C17orf75: variants seen among roughly 807,000 people sequenced by gnomAD.
C17orf75 encodes protein Njmu-R1.
Under a neutral mutation model 49.6 loss-of-function variants are expected in C17orf75, and 32 were observed. That is an observed-to-expected ratio of 0.65 (90% CI 0.49 to 0.87). The LOEUF is 0.87. Among genes scored for constraint, C17orf75 ranks in the 40% least tolerant of loss-of-function variants. C17orf75 has a pLI of 0.00. For missense variants in C17orf75, 428 were observed against 473.9 expected, an observed-to-expected ratio of 0.90 and a Z score of 0.90; for synonymous variants, 158 against 159.5, an observed-to-expected ratio of 0.99 and a Z score of 0.07.
chr17:32,333,356 G>A (rs2041294287), intron 9 of C17orf75, 61 bp downstream of exon 9: 3 of 1,162,490 alleles, frequency 2.6e-6, no homozygotes. Flanking sequence ...TCTGTCACTG[G>A]TACTAATTAA....
upstream of C17orf75, chr17:32,344,173 A>AT (rs950762466): frequency 5.9e-6 from 3 of 510,218 alleles, no homozygotes; most frequent in Admixed American, 1.0e-4. Context: ...CTGTATTTTT[A>AT]TTTTTTATAG....
At chr17:32,349,090 T>C (rs1175314285) in intron 1 of C17orf75, among the ~76,000 whole-genome samples, 1 of 150,748 alleles carries the variant, frequency 6.6e-6, no homozygotes, top group Admixed American at 6.6e-5. Flanking sequence ...GGTCTCGAAC[T>C]CCTGACCTCA....
chr17:32,348,743 C>A (rs2041448899), intron 1 of C17orf75, among the ~76,000 whole-genome samples: 1 of 152,132 alleles, frequency 6.6e-6, no homozygotes, highest in Non-Finnish European at 1.5e-5. Flanking sequence ...AACCACTGTG[C>A]CTTCTCAGAG....
At chr17:32,335,021 C>T (rs1014376825) in intron 6 of C17orf75, among the ~76,000 whole-genome samples, 182 bp from the exon 7 acceptor site, 1 of 152,208 alleles carries the variant, frequency 6.6e-6, no homozygotes, top group Non-Finnish European at 1.5e-5. Flanking sequence ...ATCAAAATTG[C>T]TCTGGATTTT....
chr17:32,341,876 G>A, intron 1 of C17orf75, 124 bp downstream of exon 1: 7 of 1,090,034 alleles, frequency 6.4e-6, no homozygotes, highest in South Asian at 4.3e-5. Flanking sequence ...GGCTGGGAGA[G>A]GAGAAGATGG....
At chr17:32,335,198 T>G (rs1398452205) in intron 6 of C17orf75, 125 bp downstream of exon 6, 1 of 1,214,408 alleles carries the variant, frequency 8.2e-7, no homozygotes, top group South Asian at 1.5e-5. Context: ...TGGTCTATCT[T>G]GATAGCAAGC....
rs1217947527 is a variant in C17orf75 at position 32,339,947 on chromosome 17, A to G, written c.222-9T>C. 1 of 1,613,588 alleles carries G rather than the reference A, an allele frequency of 6.2e-7. No individual in the cohort carries two copies. The highest frequency in any genetic ancestry group is 1.3e-5 in the African/African-American group (1 of 74,910). On this transcript the variant is annotated splice_polypyrimidine_tract_variant and intron_variant, in intron 2 of 9. Transcript: ENST00000577809. ...TATCTGCCAAGGAGAGGCTTGACAA[A>G]TGAAAGACACACATTCTTTACCAGT...
In C17orf75 at chr17:32,331,809, G is replaced by A; in HGVS notation, c.1145C>T (p.Ala382Val). 2 of 1,613,728 alleles carry A rather than the reference G, an allele frequency of 1.2e-6. No individual in the cohort carries two copies. Among genetic ancestry groups the A allele is most frequent in the South Asian group, 1.1e-5 (1 of 91,076 alleles). ...TTCTTTCATGAATTCTTCAAGGACA[G>A]CTATCACATTTTTGGCTTCAGGCAT... The part of the protein sequence containing the change: ...EEMPEAKNVI[A>V]VLEEFMKEAL... The change falls in exon 10 of 10, where the codon GCT (alanine) becomes GTT (valine). Residue 382 changes from alanine to valine, a missense_variant. Ala to Val is a moderately conservative substitution (Grantham distance 64). Coordinates refer to ENST00000577809, the MANE Select transcript of C17orf75 (RefSeq NM_022344.4).
upstream of C17orf75, among the ~76,000 whole-genome samples, chr17:32,342,811 G>A (rs115011254): frequency 8.9e-4 from 136 of 152,228 alleles, no homozygotes; most frequent in African/African-American, 3.2e-3. Context: ...GGTGGTTCAC[G>A]CCTGTAATGC....
At position 32,349,941 on chromosome 17, in the gene C17orf75, C is replaced by T; in HGVS notation, c.-7+1G>A. 1 of 1,122,070 alleles carries T rather than the reference C, an allele frequency of 8.9e-7. No individual in the cohort carries two copies. The highest frequency in any genetic ancestry group is 1.1e-6 in the Non-Finnish European group (1 of 907,990). 69.5% of individuals were successfully genotyped at this position (1,122,070 alleles called of 1,614,324 possible). On this transcript the variant is annotated splice_donor_variant, in intron 1 of 8. Coordinates refer to the C17orf75 transcript ENST00000583774. LOFTEE classifies it low-confidence loss of function (5UTR_SPLICE). Reference sequence around the variant, plus strand: ...TTCCATTCGCATGCCCCTTAGCGTACCTGGGGCTCCGGCTCCTTTACAAAT... The same window carrying T: ...TTCCATTCGCATGCCCCTTAGCGTATCTGGGGCTCCGGCTCCTTTACAAAT...
intron 1 of C17orf75, 170 bp downstream of exon 1, chr17:32,341,830 C>A (rs898205413): frequency 3.1e-5 from 33 of 1,065,890 alleles, no homozygotes; most frequent in Non-Finnish European, 3.6e-5. Flanking sequence ...GGAAGAGCAG[C>A]GGGAGGCGAG....
chr17:32,339,639 C>T (rs2041360082), intron 3 of C17orf75, among the ~76,000 whole-genome samples, 174 bp downstream of exon 3: 1 of 152,114 alleles, frequency 6.6e-6, no homozygotes, highest in African/African-American at 2.4e-5. Flanking sequence ...GGGTCTCTGC[C>T]ATTCAATTAA....
rs145353433 is a variant in C17orf75, at chr17:32,340,767, T to C, written c.221+437A>G. On this transcript the variant is annotated intron_variant, in intron 2 of 9. Transcript: ENST00000577809. ...GAGTTCAAGACCAGCCTGGGCAACA[T>C]GGTGAAACCCCATCTCTACCAGAAA... is the stretch of plus-strand genomic sequence containing the variant. The C allele has an allele frequency of 6.9e-3, 1,163 of 169,294 alleles. 17 individuals are homozygous for C. Among genetic ancestry groups the C allele is most frequent in the African/African-American group, 0.027 (1,107 of 41,660 alleles). 10.5% of individuals were successfully genotyped at this position (169,294 alleles called of 1,614,324 possible). A position where few individuals can be genotyped will look rare whatever the true frequency, so the allele number is the denominator to read the frequency against.
intron 2 of C17orf75, chr17:32,340,825 T>A (rs1043375157): frequency 5.0e-6 from 1 of 201,758 alleles, no homozygotes; most frequent in African/African-American, 2.3e-5. Flanking sequence ...TGGTCAGTAG[T>A]CCCAGCTACT....
rs561014138 is a variant in C17orf75, at chr17:32,348,867, C to CTTT, written c.-7+1072_-7+1074dup. 5.3e-4 allele frequency among the ~76,000 whole-genome samples: 58 copies of CTTT among 108,862 alleles called. 3 individuals carry two copies. The highest frequency in any genetic ancestry group is 1.8e-3 in the African/African-American group (48 of 26,536). 71.4% of individuals were successfully genotyped at this position (108,862 alleles called of 152,430 possible). A position where few individuals can be genotyped will look rare whatever the true frequency, so the allele number is the denominator to read the frequency against. Reference sequence around the variant, plus strand: ...CAGCACCTTCACTGACAGCTCCAGTCTTTTTTTTTTTTTTTTGAGACGGAG... The same window carrying CTTT: ...CAGCACCTTCACTGACAGCTCCAGTCTTTTTTTTTTTTTTTTTTTGAGACGGAG... On this transcript the variant is annotated intron_variant, in intron 1 of 8. Transcript: ENST00000583774.
chr17:32,349,085 C>T (rs2041455998), intron 1 of C17orf75, among the ~76,000 whole-genome samples: 1 of 150,980 alleles, frequency 6.6e-6, no homozygotes, highest in Non-Finnish European at 1.5e-5. Context: ...AGGCTGGTCT[C>T]GAACTCCTGA....
In C17orf75 at chr17:32,338,327, A is replaced by G; in HGVS notation, c.372T>C (p.Cys124=). ...TTTCATTTTGGAAAAGGCAGTAATA[A>G]CAACCAACTCGGTAACCTGGAATTC... is the stretch of plus-strand genomic sequence containing the variant. The part of the protein sequence containing the change: ...ELKIPGYRVG[C]YYCLFQNEKL... The change falls in exon 4 of 10, where the codon TGT becomes TGC. Residue 124 remains cysteine (C), a synonymous_variant. Transcript: ENST00000577809. 1 of 1,609,506 alleles carries G rather than the reference A, an allele frequency of 6.2e-7. No homozygotes were observed. The highest frequency in any genetic ancestry group is 8.5e-7 in the Non-Finnish European group (1 of 1,178,874).
upstream of C17orf75, chr17:32,342,241 C>CT: frequency 8.0e-6 from 11 of 1,372,796 alleles, no homozygotes; most frequent in Non-Finnish European, 9.5e-6. Context: ...CCTCGCACAC[C>CT]TGCGTTCCGC....
Position 32,339,953 on chromosome 17 carries a change from G to A in C17orf75, c.222-15C>T, listed in dbSNP as rs1195027823. ...CCAAGGAGAGGCTTGACAAATGAAA[G>A]ACACACATTCTTTACCAGTGGACTA... On this transcript the variant is annotated splice_polypyrimidine_tract_variant and intron_variant, in intron 2 of 9. Transcript: ENST00000577809. 6.2e-7 allele frequency: 1 copy of A among 1,613,532 alleles called. No homozygotes were observed. The highest frequency in any genetic ancestry group is 1.3e-5 in the African/African-American group (1 of 75,012).
Sources: allele counts gnomAD v4.1 joint callset (sites outside exome capture counted in the v4.1 genomes callset), GRCh38; gene constraint gnomAD v4.1.1; transcripts MANE v1.5; gene names NCBI Gene and HGNC (gene_info 2026-07-23, HGNC 2026-07-21).